The following BTN3A2 variants were observed in gnomAD, a reference collection of about 807,000 sequenced individuals.
BTN3A2 encodes the protein butyrophilin subfamily 3 member A2.
BTN3A2 carries 25 observed loss-of-function variants against 37.6 expected under a neutral mutation model. The ratio of observed to expected loss-of-function variants is 0.66; its 90% CI spans 0.48 to 0.93. BTN3A2 has a LOEUF of 0.93. BTN3A2 is among the 40% of genes least tolerant of loss of function. The probability of loss-of-function intolerance (pLI) is 0.00; values close to 1 mark genes in which losing one functional copy is unlikely to be tolerated. For synonymous variants in BTN3A2, 122 were observed against 159.4 expected (o/e 0.77, Z 1.77); for missense variants, 266 against 410.9 (o/e 0.65, Z 3.05).
Position 26,377,062 on chromosome 6 carries a change from C to A in BTN3A2, c.*1300C>A. 7.2e-7 allele frequency: 1 copy of A among 1,379,894 alleles called. No individual in the cohort carries two copies. The allele number at this position is 1,379,894 out of a possible 1,614,324, so 85.5% of individuals were successfully genotyped here. On this transcript the variant is annotated 3_prime_UTR_variant, in exon 11 of 11. Coordinates refer to ENST00000377708, the MANE Select transcript of BTN3A2 (RefSeq NM_007047.5). The stretch of plus-strand genomic sequence containing the variant: ...CTGTATCCTGTATTCAGAATTTTGA[C>A]CTTGGAGCCCACTGCCCTGACCGTT...
At position 26,368,603 on chromosome 6, in the gene BTN3A2, G is replaced by A. The variant is rs767313554; in HGVS notation, c.124G>A (p.Ala42Thr). 5 of 1,613,970 alleles carry A rather than the reference G, an allele frequency of 3.1e-6. No individual in the cohort carries two copies. The Admixed American group carries it at 6.7e-5, about 22-fold the overall frequency. Residue 42 changes from alanine to threonine, a missense_variant, in exon 4 of 11, where the codon GCC becomes ACC. By Grantham distance (58) the Ala-to-Thr change is moderately conservative. Around this residue, in one of 3 missense-constraint regions of BTN3A2, gnomAD observed 47 missense variants for 77.3 expected, o/e 0.61. Coordinates refer to ENST00000377708, the MANE Select transcript of BTN3A2 (RefSeq NM_007047.5). The part of the protein sequence containing the change: ...SVLGPSGPIL[A>T]MVGEDADLPC... ...GCTTGGACCCTCTGGGCCCATCCTG[G>A]CCATGGTGGGTGAAGACGCTGATCT...
intron 1 of BTN3A2, among the ~76,000 whole-genome samples, chr6:26,367,132 G>A (rs1015759434): frequency 2.0e-5 from 3 of 152,080 alleles, no homozygotes; most frequent in Non-Finnish European, 2.9e-5. Flanking sequence ...GTTCTGCAAG[G>A]TGCTTTTTAA....
intron 9 of BTN3A2, 43 bp from the exon 10 acceptor site, chr6:26,374,727 CA>C: frequency 6.6e-7 from 1 of 1,505,778 alleles, no homozygotes; most frequent in Non-Finnish European, 9.2e-7. Flanking sequence ...GGGAAAAGTA[CA>C]AAAATACTGA....
chr6:26,374,505 T>C (rs555755613), intron 9 of BTN3A2, 132 bp downstream of exon 9: 1 of 1,042,592 alleles, frequency 9.6e-7, no homozygotes, highest in African/African-American at 1.6e-5. Flanking sequence ...CACCTCCGCT[T>C]TTCTGGAGCC....
intron 8 of BTN3A2, 179 bp downstream of exon 8, chr6:26,373,592 A>T: frequency 7.1e-5 from 29 of 407,240 alleles, no homozygotes; most frequent in Non-Finnish European, 8.8e-5. Flanking sequence ...TCTCTAGAAA[A>T]AAAAAAAAAA....
chr6:26,377,244 C>T lies in BTN3A2; in HGVS notation c.*1482C>T. 1.1e-6 allele frequency: 1 copy of T among 894,958 alleles called. No homozygotes were observed. The highest frequency in any genetic ancestry group is 1.6e-5 in the African/African-American group (1 of 61,586). The allele number at this position is 894,958 out of a possible 1,614,324, so 55.4% of individuals were successfully genotyped here. A position where few individuals can be genotyped will look rare whatever the true frequency, so the allele number is the denominator to read the frequency against. On this transcript the variant is annotated 3_prime_UTR_variant, in exon 11 of 11. Coordinates refer to ENST00000377708, the MANE Select transcript of BTN3A2 (RefSeq NM_007047.5). ...CCCTGCCCAGCCTGGAGCTAAGGGT[C>T]TCACCCTCCACAACAGCCAGTCAGA...
chr6:26,367,031 C>A (rs1044097282), intron 1 of BTN3A2, among the ~76,000 whole-genome samples: 1 of 152,164 alleles, frequency 6.6e-6, no homozygotes, highest in South Asian at 2.1e-4. Flanking sequence ...AGTTTAGCAT[C>A]CATCATTTTA....
At position 26,377,539 on chromosome 6, in the gene BTN3A2, C is replaced by CGGCGA; in HGVS notation, c.*1777_*1778insGGCGA. The CGGCGA allele has an allele frequency of 3.7e-6, 1 of 269,396 alleles. No homozygotes were observed. Among genetic ancestry groups the CGGCGA allele is most frequent in the South Asian group, 4.2e-5 (1 of 23,730 alleles). 16.7% of individuals were successfully genotyped at this position (269,396 alleles called of 1,614,324 possible). On this transcript the variant is annotated 3_prime_UTR_variant, in exon 11 of 11. Coordinates refer to ENST00000377708, the MANE Select transcript of BTN3A2 (RefSeq NM_007047.5). The stretch of plus-strand genomic sequence containing the variant: ...TTTGGTGGGTGTCACTCCTTTAATC[C>CGGCGA]TCACAACACCCTGTCAGGTAGTCTC...
intron 5 of BTN3A2, among the ~76,000 whole-genome samples, chr6:26,371,723 G>C (rs1293230828): frequency 2.0e-5 from 3 of 151,964 alleles, no homozygotes; most frequent in Non-Finnish European, 4.4e-5. Flanking sequence ...CTATTGCCCA[G>C]GCTTGAGTGC....
At position 26,372,887 on chromosome 6, in the gene BTN3A2, C is replaced by G. The variant is rs903114249; in HGVS notation, c.716-10C>G. The G allele has an allele frequency of 6.2e-7, 1 of 1,612,784 alleles. No homozygotes were observed. The highest frequency in any genetic ancestry group is 8.5e-7 in the Non-Finnish European group (1 of 1,180,028). The stretch of plus-strand genomic sequence containing the variant: ...CCAGCGCCCATGACCTACAGCTCTC[C>G]CCTTCGCAGACCCCTTCTTCAGGAG... On this transcript the variant is annotated splice_polypyrimidine_tract_variant and intron_variant, in intron 5 of 10. Coordinates refer to ENST00000377708, the MANE Select transcript of BTN3A2 (RefSeq NM_007047.5).
At chr6:26,367,286 T>C (rs1384503184) in intron 1 of BTN3A2, among the ~76,000 whole-genome samples, 1 of 152,350 alleles carries the variant, frequency 6.6e-6, no homozygotes, top group South Asian at 2.1e-4. Context: ...ACCACTTTTA[T>C]ACTTTAAAAA....
intron 1 of BTN3A2, among the ~76,000 whole-genome samples, chr6:26,366,941 C>T (rs1759566354): frequency 1.3e-5 from 2 of 152,200 alleles, no homozygotes; most frequent in Non-Finnish European, 1.5e-5. Flanking sequence ...AAATTTTAAA[C>T]TTAAAGCATT....
rs1760734245 is a variant in BTN3A2, at chr6:26,376,673, C to A, written c.*911C>A. 3.3e-6 allele frequency: 5 copies of A among 1,525,154 alleles called. No individual in the cohort carries two copies. Among genetic ancestry groups the A allele is most frequent in the Non-Finnish European group, 4.5e-6 (5 of 1,100,596 alleles). The allele number at this position is 1,525,154 out of a possible 1,614,324, so 94.5% of individuals were successfully genotyped here. A position where few individuals can be genotyped will look rare whatever the true frequency, so the allele number is the denominator to read the frequency against. ...CTGAGGAGCCCCATGACCTACCAGA[C>A]AACCCTGAGAGATTTGAATGGCGTT... On this transcript the variant is annotated 3_prime_UTR_variant, in exon 11 of 11. Transcript: ENST00000377708.
At chr6:26,366,173 A>G (rs1219174292) in intron 1 of BTN3A2, among the ~76,000 whole-genome samples, 2 of 151,936 alleles carry the variant, frequency 1.3e-5, no homozygotes. Flanking sequence ...AAGAAGAAAA[A>G]AGAACAAACA....
chr6:26,371,598 C>T (rs1056650580), intron 5 of BTN3A2, among the ~76,000 whole-genome samples: 13 of 152,228 alleles, frequency 8.5e-5, no homozygotes, highest in African/African-American at 3.1e-4. Flanking sequence ...TCCAAACTTC[C>T]ACTTCTAGGA....
Position 26,370,491 on chromosome 6 carries a change from A to G in BTN3A2, c.603A>G (p.Leu201=), listed in dbSNP as rs747545997. Residue 201 remains leucine, a synonymous_variant, in exon 5 of 11, where the codon CTA becomes CTG. Transcript: ENST00000377708. ...EAPVVADGVG[L]YEVAASVIMR... is the part of the protein sequence containing the mutation. Reference sequence around the variant, plus strand: ...CTGTGGTTGCAGATGGAGTGGGCCTATATGAAGTAGCAGCATCTGTGATCA... The same window carrying G: ...CTGTGGTTGCAGATGGAGTGGGCCTGTATGAAGTAGCAGCATCTGTGATCA... The G allele has an allele frequency of 9.9e-6, 16 of 1,614,226 alleles. No individual in the cohort carries two copies. In the East Asian group the frequency reaches 2.5e-4, roughly 25 times the overall value.
At chr6:26,367,328 C>T (rs890974410) in intron 1 of BTN3A2, among the ~76,000 whole-genome samples, 6 of 152,196 alleles carry the variant, frequency 3.9e-5, no homozygotes, top group African/African-American at 1.4e-4. Flanking sequence ...ACAGAGGCTT[C>T]TCTCTGCACC....
At chr6:26,370,188 GACCAC>G in intron 4 of BTN3A2, 129 bp from the exon 5 acceptor site, 1 of 1,231,460 alleles carries the variant, frequency 8.1e-7, no homozygotes, top group Non-Finnish European at 1.1e-6. Flanking sequence ...CCCTCATCAT[GACCAC>G]ACTTTTGTAA....
chr6:26,375,850 G>T lies in BTN3A2; in HGVS notation c.*88G>T. On this transcript the variant is annotated 3_prime_UTR_variant, in exon 11 of 11. Transcript: ENST00000377708. The stretch of plus-strand genomic sequence containing the variant: ...CCTTGTTAAATAAATTGGATGTATG[G>T]AAAAATAGACTGCAGAAAAGGGGAA... 6.5e-7 allele frequency: 1 copy of T among 1,548,762 alleles called. No individual in the cohort carries two copies. The highest frequency in any genetic ancestry group is 2.0e-5 in the Admixed American group (1 of 50,894).
Sources: allele counts gnomAD v4.1 joint callset (sites outside exome capture counted in the v4.1 genomes callset), GRCh38; gene constraint gnomAD v4.1.1; regional missense constraint gnomAD v4.1.1; transcripts MANE v1.5; gene names NCBI Gene and HGNC (gene_info 2026-07-23, HGNC 2026-07-21).